The following IL1RAPL1 variants were observed in gnomAD, a reference collection of about 807,000 sequenced individuals.
IL1RAPL1 encodes interleukin-1 receptor accessory protein-like 1.
A neutral mutation model predicts 48.4 loss-of-function variants in IL1RAPL1; 3 were observed. The observed-to-expected ratio is 0.06, with a 90% confidence interval of 0.03 to 0.16. IL1RAPL1 has a LOEUF of 0.16. IL1RAPL1 is among the 10% of genes least tolerant of loss of function. The probability of loss-of-function intolerance (pLI) is 1.00; values close to 1 mark genes in which losing one functional copy is unlikely to be tolerated. For synonymous variants in IL1RAPL1, 185 were observed against 187.7 expected, an observed-to-expected ratio of 0.99 and a Z score of 0.12; for missense variants, 349 against 530.6, an observed-to-expected ratio of 0.66 and a Z score of 3.36.
chrX:29,734,000 T>G (rs764136265), intron 6 of IL1RAPL1, among the ~76,000 whole-genome samples: 1 of 112,999 alleles, frequency 8.8e-6, no homozygotes. Context: ...GCTCAAAGTT[T>G]CTTTCTGCGC....
intron 3 of IL1RAPL1, among the ~76,000 whole-genome samples, chrX:29,307,670 TC>T (rs1932646483): frequency 9.3e-6 from 1 of 107,513 alleles, no homozygotes; most frequent in Non-Finnish European, 2.0e-5. Context: ...TACATTTTTT[TC>T]CCTTAATAGA....
chrX:29,942,614 T>A (rs1329149148), intron 9 of IL1RAPL1, among the ~76,000 whole-genome samples: 1 of 108,898 alleles, frequency 9.2e-6, no homozygotes, highest in Non-Finnish European at 1.9e-5. Context: ...AAAGCTTTCT[T>A]CATCATTTTT....
intron 2 of IL1RAPL1, among the ~76,000 whole-genome samples, chrX:28,823,862 C>T (rs886178600): frequency 1.8e-5 from 2 of 111,272 alleles, no homozygotes; most frequent in Admixed American, 1.9e-4. Context: ...AGTTCCTTAA[C>T]TTAATCACAT....
intron 6 of IL1RAPL1, among the ~76,000 whole-genome samples, chrX:29,704,192 T>C (rs956239746): frequency 1.8e-5 from 2 of 110,770 alleles, no homozygotes; most frequent in African/African-American, 6.6e-5. Flanking sequence ...GGCCTCCCAA[T>C]GTGCTGGAAT....
chrX:29,127,537 A>T (rs1200732617), intron 2 of IL1RAPL1, among the ~76,000 whole-genome samples: 1 of 112,076 alleles, frequency 8.9e-6, no homozygotes, highest in Non-Finnish European at 1.9e-5. Context: ...ATCTCTGTGG[A>T]CAATCTCATC....
intron 5 of IL1RAPL1, among the ~76,000 whole-genome samples, chrX:29,450,674 A>C (rs1008384881): frequency 4.5e-5 from 5 of 111,804 alleles, no homozygotes; most frequent in Non-Finnish European, 9.4e-5. Context: ...ACCTTTAAAA[A>C]AATTTGAAAA....
chrX:29,410,763 T>C (rs1934133785), intron 5 of IL1RAPL1, among the ~76,000 whole-genome samples: 1 of 112,358 alleles, frequency 8.9e-6, no homozygotes, highest in African/African-American at 3.2e-5. Flanking sequence ...TTTAGCAGTA[T>C]TGAAGTACAA....
chrX:29,399,683 G>C (rs1017175373), intron 5 of IL1RAPL1, among the ~76,000 whole-genome samples: 7 of 110,734 alleles, frequency 6.3e-5, no homozygotes, highest in Non-Finnish European at 1.1e-4. Context: ...GCCAGGCGTG[G>C]TGGTGGGCGC....
At chrX:29,944,069 A>G (rs1224040872) in intron 9 of IL1RAPL1, among the ~76,000 whole-genome samples, 1 of 111,881 alleles carries the variant, frequency 8.9e-6, no homozygotes, top group Admixed American at 9.5e-5. Flanking sequence ...CTTAAGCACA[A>G]TCGAGGGTCT....
intron 3 of IL1RAPL1, among the ~76,000 whole-genome samples, chrX:29,333,921 G>A (rs1291999440): frequency 1.2e-4 from 10 of 86,935 alleles, no homozygotes; most frequent in Non-Finnish European, 2.2e-4. Context: ...TGGCCAGGCG[G>A]GGGGCTGATC....
chrX:29,058,109 C>T (rs1927262129), intron 2 of IL1RAPL1, among the ~76,000 whole-genome samples: 1 of 111,151 alleles, frequency 9.0e-6, no homozygotes, highest in African/African-American at 3.3e-5. Flanking sequence ...GGCGCAGTGG[C>T]TCACGCTTAT....
intron 5 of IL1RAPL1, among the ~76,000 whole-genome samples, chrX:29,423,731 C>T (rs1279475849): frequency 1.8e-5 from 2 of 111,588 alleles, no homozygotes; most frequent in Non-Finnish European, 3.8e-5. Flanking sequence ...ATGATGATTA[C>T]TAGCATTTAT....
At chrX:29,027,914 A>T (rs969850034) in intron 2 of IL1RAPL1, among the ~76,000 whole-genome samples, 1 of 105,789 alleles carries the variant, frequency 9.5e-6, no homozygotes, top group Admixed American at 1.0e-4. Flanking sequence ...GAGTTTTAAG[A>T]TTTCTTTTTG....
At chrX:29,192,478 C>T (rs1930370419) in intron 2 of IL1RAPL1, among the ~76,000 whole-genome samples, 2 of 111,335 alleles carry the variant, frequency 1.8e-5, no homozygotes, top group African/African-American at 3.3e-5. Context: ...TTTAATATAA[C>T]CAACTAGTTT....
intron 5 of IL1RAPL1, among the ~76,000 whole-genome samples, chrX:29,504,088 G>A (rs1448984776): frequency 9.1e-6 from 1 of 109,644 alleles, no homozygotes; most frequent in Non-Finnish European, 1.9e-5. Flanking sequence ...AGTCTCCTGA[G>A]TTGCTGGGAT....
intron 2 of IL1RAPL1, among the ~76,000 whole-genome samples, chrX:28,967,726 G>T (rs1255009331): frequency 6.3e-5 from 7 of 111,711 alleles, no homozygotes; most frequent in Non-Finnish European, 7.5e-5. Context: ...ACTATATATT[G>T]ACATGCACAA....
At chrX:29,861,000 G>A (rs1212833510) in intron 6 of IL1RAPL1, among the ~76,000 whole-genome samples, 1 of 112,390 alleles carries the variant, frequency 8.9e-6, no homozygotes, top group African/African-American at 3.2e-5. Context: ...TGTGGTTAAA[G>A]ATTAAAGCTT....
At chrX:29,593,277 G>A (rs915413302) in intron 5 of IL1RAPL1, among the ~76,000 whole-genome samples, 4 of 111,568 alleles carry the variant, frequency 3.6e-5, no homozygotes, top group Admixed American at 9.6e-5. Context: ...GATGTCATTG[G>A]TGACACTGGG....
intron 5 of IL1RAPL1, among the ~76,000 whole-genome samples, chrX:29,419,565 C>G (rs1934265958): frequency 8.9e-6 from 1 of 111,795 alleles, no homozygotes; most frequent in Non-Finnish European, 1.9e-5. Flanking sequence ...AGGTGATTCA[C>G]CTGCCTCGGC....
Sources: allele counts gnomAD v4.1 joint callset (sites outside exome capture counted in the v4.1 genomes callset), GRCh38; gene constraint gnomAD v4.1.1; transcripts MANE v1.5; gene names NCBI Gene and HGNC (gene_info 2026-07-23, HGNC 2026-07-21).